HSD17B12: variants seen among roughly 807,000 people sequenced by gnomAD.
HSD17B12 encodes the protein hydroxysteroid 17-beta dehydrogenase 12.
HSD17B12 carries 32 observed loss-of-function variants against 39.3 expected under a neutral mutation model. That is an observed-to-expected ratio of 0.81 (90% CI 0.61 to 1.09). HSD17B12 has a LOEUF of 1.09. Ranked by LOEUF, HSD17B12 falls within the 50% of genes least tolerant of loss-of-function variation. The pLI is 0.00. For missense variants in HSD17B12, 342 were observed against 382.9 expected (o/e 0.89, Z 0.89); for synonymous variants, 150 against 146.7 (o/e 1.02, Z -0.16).
chr11:43,603,301 T>A, the HSD17B12 span, among the ~76,000 whole-genome samples: 1 of 152,206 alleles, frequency 6.6e-6, no homozygotes, highest in Non-Finnish European at 1.5e-5. Flanking sequence ...AATCTTAGTT[T>A]GGTGAATTTG....
intron 1 of HSD17B12, among the ~76,000 whole-genome samples, chr11:43,739,864 G>T (rs1370943879): frequency 1.3e-5 from 2 of 152,186 alleles, no homozygotes; most frequent in Non-Finnish European, 2.9e-5. Context: ...GTAGGAGTAA[G>T]GTCAGCTCAT....
intron 1 of HSD17B12, among the ~76,000 whole-genome samples, chr11:43,748,379 A>G (rs1016210940): frequency 2.6e-5 from 4 of 152,200 alleles, no homozygotes; most frequent in African/African-American, 9.6e-5. Flanking sequence ...CAAATACTGC[A>G]TGTTCTTACT....
chr11:43,690,361 CATATATATAT>C (rs61646858), intron 1 of HSD17B12, among the ~76,000 whole-genome samples: 22 of 39,392 alleles, frequency 5.6e-4, no homozygotes, highest in African/African-American at 2.1e-3. Flanking sequence ...GGTATTCATA[CATATATATAT>C]ATATATATAT....
chr11:43,621,305 G>T, the HSD17B12 span, among the ~76,000 whole-genome samples: 5 of 152,144 alleles, frequency 3.3e-5, no homozygotes, highest in African/African-American at 7.2e-5. Flanking sequence ...AAGGGACTGT[G>T]GTCACTCAGT....
intron 1 of HSD17B12, among the ~76,000 whole-genome samples, chr11:43,694,762 G>A (rs1423920234): frequency 2.0e-5 from 3 of 152,116 alleles, no homozygotes; most frequent in Non-Finnish European, 4.4e-5. Context: ...ATATGAATCA[G>A]TCCAGTGTGC....
chr11:43,726,417 C>T (rs974564232), intron 1 of HSD17B12, among the ~76,000 whole-genome samples: 3 of 152,084 alleles, frequency 2.0e-5, no homozygotes, highest in Admixed American at 6.6e-5. Context: ...AAATTGAGGG[C>T]GTTAGTAGGG....
intron 1 of HSD17B12, among the ~76,000 whole-genome samples, chr11:43,681,594 TA>T (rs1391161781): frequency 6.6e-6 from 1 of 152,182 alleles, no homozygotes; most frequent in African/African-American, 2.4e-5. Flanking sequence ...GAATTCTCGC[TA>T]AACTGTTCTG....
chr11:43,668,689 G>A, the HSD17B12 span, among the ~76,000 whole-genome samples: 1 of 151,956 alleles, frequency 6.6e-6, no homozygotes, highest in South Asian at 2.1e-4. Context: ...TAGAATTAAA[G>A]GTTTTTCAAT....
intron 1 of HSD17B12, among the ~76,000 whole-genome samples, chr11:43,710,916 G>C (rs963637184): frequency 2.0e-5 from 3 of 151,980 alleles, no homozygotes; most frequent in African/African-American, 7.3e-5. Flanking sequence ...TCAGCCTTCC[G>C]AACAGGTGGG....
At chr11:43,676,450 C>T (rs11037555), upstream of HSD17B12, among the ~76,000 whole-genome samples, 514 of 152,004 alleles carry the variant, frequency 3.4e-3, 2 homozygotes, top group East Asian at 0.03. Context: ...ATATTAGAGA[C>T]GTAAAGAGAG....
At chr11:43,621,126 A>G in the HSD17B12 span, among the ~76,000 whole-genome samples, 1 of 152,230 alleles carries the variant, frequency 6.6e-6, no homozygotes, top group African/African-American at 2.4e-5. Flanking sequence ...CTATGGCTGC[A>G]TGGGCCAACC....
chr11:43,586,676 G>A, the HSD17B12 span, among the ~76,000 whole-genome samples: 1 of 152,116 alleles, frequency 6.6e-6, no homozygotes, highest in East Asian at 1.9e-4. Context: ...ACAGCTGCTT[G>A]GCCTGGTCAG....
chr11:43,564,821 T>C, the HSD17B12 span, among the ~76,000 whole-genome samples: 4 of 152,120 alleles, frequency 2.6e-5, no homozygotes, highest in Non-Finnish European at 5.9e-5. Flanking sequence ...TGAAAACATT[T>C]GGTAATAGCT....
intron 3 of HSD17B12, among the ~76,000 whole-genome samples, chr11:43,763,688 C>G (rs1950573276): frequency 6.7e-6 from 1 of 150,196 alleles, no homozygotes; most frequent in Non-Finnish European, 1.5e-5. Context: ...ATACTTTCAA[C>G]TAGCTTAAAA....
At chr11:43,815,333 T>C (rs1951111839) in intron 4 of HSD17B12, 104 bp from the exon 5 acceptor site, 1 of 521,478 alleles carries the variant, frequency 1.9e-6, no homozygotes, top group East Asian at 3.1e-5. Context: ...GCATTTTATA[T>C]AATTATATAT....
intron 4 of HSD17B12, among the ~76,000 whole-genome samples, chr11:43,812,299 G>A (rs1309361499): frequency 6.6e-6 from 1 of 152,158 alleles, no homozygotes; most frequent in Non-Finnish European, 1.5e-5. Flanking sequence ...CCTCCATACT[G>A]TTTTCCACAG....
the HSD17B12 span, among the ~76,000 whole-genome samples, chr11:43,596,126 G>A: frequency 4.6e-3 from 696 of 151,886 alleles, 2 homozygotes; most frequent in African/African-American, 0.016. Flanking sequence ...CCTGGCCTCA[G>A]GCAATCCTCT....
At chr11:43,794,094 G>C (rs1014678919) in intron 3 of HSD17B12, among the ~76,000 whole-genome samples, 1 of 152,150 alleles carries the variant, frequency 6.6e-6, no homozygotes, top group African/African-American at 2.4e-5. Context: ...TAGGCTGAGA[G>C]GCAGTTGGCC....
At chr11:43,640,000 A>G in the HSD17B12 span, among the ~76,000 whole-genome samples, 54 of 152,160 alleles carry the variant, frequency 3.5e-4, no homozygotes, top group African/African-American at 1.2e-3. Context: ...GGGAGTGAAA[A>G]TTGGTTATGT....
Sources: allele counts gnomAD v4.1 joint callset (sites outside exome capture counted in the v4.1 genomes callset), GRCh38; gene constraint gnomAD v4.1.1; transcripts MANE v1.5; gene names NCBI Gene and HGNC (gene_info 2026-07-23, HGNC 2026-07-21).